GNA14: variants seen among roughly 807,000 people sequenced by gnomAD.
GNA14 encodes the protein G protein subunit alpha 14, also known as guanine nucleotide-binding protein subunit alpha-14.
A neutral mutation model predicts 42.0 loss-of-function variants in GNA14; 50 were observed. The observed-to-expected ratio is 1.19, with a 90% CI of 0.95 to 1.51. GNA14 has a LOEUF of 1.51. Ranked by LOEUF, GNA14 falls within the 40% of genes most tolerant of loss-of-function variation. The pLI is 0.00. For missense variants in GNA14, 473 were observed against 446.2 expected (o/e 1.06, Z -0.54); for synonymous variants, 173 against 163.1 (o/e 1.06, Z -0.46).
intron 3 of GNA14, among the ~76,000 whole-genome samples, chr9:77,433,017 C>T (rs941056880): frequency 7.9e-5 from 12 of 152,218 alleles, no homozygotes; most frequent in South Asian, 2.1e-4. Flanking sequence ...TGCATCTAAA[C>T]ATTCCTGTAC....
At position 77,446,124 on chromosome 9, in the gene GNA14, C is replaced by T. The variant is rs1316460940; in HGVS notation, c.310-11602G>A. On this transcript the variant is annotated intron_variant, in intron 2 of 6. Transcript: ENST00000341700. The stretch of plus-strand genomic sequence containing the variant: ...TGAGTGACCAGAGCGGCAGGGCTCA[C>T]GGGAGCTCTCAGACCAAAAGACCCC... Among the ~76,000 whole-genome samples the T allele has an allele frequency of 3.3e-5, 5 of 152,290 alleles. No homozygotes were observed. In the South Asian group the frequency reaches 1.0e-3, roughly 32 times the overall value.
chr9:77,563,611 TG>T (rs1366938112), intron 1 of GNA14, among the ~76,000 whole-genome samples: 1 of 152,180 alleles, frequency 6.6e-6, no homozygotes, highest in Non-Finnish European at 1.5e-5. Flanking sequence ...GCACTAACAC[TG>T]TAATTGCCAT....
At chr9:77,560,211 C>T (rs963083375) in intron 1 of GNA14, among the ~76,000 whole-genome samples, 7 of 151,076 alleles carry the variant, frequency 4.6e-5, no homozygotes, top group African/African-American at 1.2e-4. Flanking sequence ...AAGTTTTATA[C>T]GTTAAAGCAG....
At chr9:77,494,327 C>A (rs372953125) in intron 2 of GNA14, among the ~76,000 whole-genome samples, 1 of 152,050 alleles carries the variant, frequency 6.6e-6, no homozygotes, top group Admixed American at 6.5e-5. Context: ...ATTTTGTGGT[C>A]ATTATTAATC....
chr9:77,454,872 T>A (rs1280803509), intron 2 of GNA14, among the ~76,000 whole-genome samples: 2 of 152,218 alleles, frequency 1.3e-5, no homozygotes, highest in African/African-American at 4.8e-5. Flanking sequence ...AATGTTTAGT[T>A]TGGGAAATGC....
intron 1 of GNA14, among the ~76,000 whole-genome samples, chr9:77,609,779 A>G (rs1025654593): frequency 2.0e-5 from 3 of 152,188 alleles, no homozygotes; most frequent in Admixed American, 2.0e-4. Context: ...TGGCATGCTG[A>G]GCGCTTTGAA....
At chr9:77,426,957 C>A (rs1835462024) in intron 5 of GNA14, among the ~76,000 whole-genome samples, 1 of 152,094 alleles carries the variant, frequency 6.6e-6, no homozygotes, top group African/African-American at 2.4e-5. Flanking sequence ...GTTTGTTCTG[C>A]CACTCAGTAC....
At chr9:77,521,379 T>C (rs1300209263) in intron 2 of GNA14, among the ~76,000 whole-genome samples, 2 of 152,110 alleles carry the variant, frequency 1.3e-5, no homozygotes, top group Admixed American at 6.5e-5. Flanking sequence ...GATGAGGAAG[T>C]GGGACAGAAA....
chr9:77,462,056 C>T (rs1437964948), intron 2 of GNA14, among the ~76,000 whole-genome samples: 1 of 152,158 alleles, frequency 6.6e-6, no homozygotes, highest in Non-Finnish European at 1.5e-5. Flanking sequence ...AGGCTGAGAC[C>T]ACTTGTCCAG....
chr9:77,469,274 G>A lies in GNA14; in HGVS notation c.310-34752C>T, dbSNP rs1587780785. Reference sequence around the variant, plus strand: ...AGGAAAGCTGGGAGAGGAGGGTGGGGTGAAGAGAGAGAATAAATGAAGTAT... The same window carrying A: ...AGGAAAGCTGGGAGAGGAGGGTGGGATGAAGAGAGAGAATAAATGAAGTAT... On this transcript the variant is annotated intron_variant, in intron 2 of 6. Transcript: ENST00000341700. Among the ~76,000 whole-genome samples the A allele has an allele frequency of 5.3e-5, 8 of 151,796 alleles. 1 individual carries two copies. The highest frequency in any genetic ancestry group is 5.3e-4 in the Admixed American group (8 of 15,232).
At chr9:77,445,375 A>T (rs926995580) in intron 2 of GNA14, among the ~76,000 whole-genome samples, 11 of 152,018 alleles carry the variant, frequency 7.2e-5, no homozygotes, top group Admixed American at 1.3e-4. Context: ...AACACCCTCC[A>T]AACAAGGAAT....
At chr9:77,429,208 G>A (rs1042942175) in intron 4 of GNA14, among the ~76,000 whole-genome samples, 172 bp from the exon 5 acceptor site, 2 of 152,126 alleles carry the variant, frequency 1.3e-5, no homozygotes, top group Admixed American at 6.5e-5. Flanking sequence ...AAGCAATGAG[G>A]GACCACTGGA....
chr9:77,573,235 G>A (rs1823085983), intron 1 of GNA14, among the ~76,000 whole-genome samples: 1 of 152,068 alleles, frequency 6.6e-6, no homozygotes, highest in African/African-American at 2.4e-5. Flanking sequence ...GATCACCCGA[G>A]GTCAGGAGTT....
At chr9:77,448,917 T>C (rs1835865226) in intron 2 of GNA14, among the ~76,000 whole-genome samples, 1 of 152,208 alleles carries the variant, frequency 6.6e-6, no homozygotes, top group South Asian at 2.1e-4. Context: ...TCAGAAGTCT[T>C]AAACGGCAAT....
At position 77,513,272 on chromosome 9, in the gene GNA14, ATAGT is replaced by A. The variant is rs150347738; in HGVS notation, c.309+15793_309+15796del. ...CACCCATCAAGAAGCATACAGAACAATAGTTAGCAGCTCTGCCTGGGACGTCAGG... is the reference window on the plus strand; with the variant it reads ...CACCCATCAAGAAGCATACAGAACAATAGCAGCTCTGCCTGGGACGTCAGG... On this transcript the variant is annotated intron_variant, in intron 2 of 6. Coordinates refer to ENST00000341700, the MANE Select transcript of GNA14 (RefSeq NM_004297.4). Among the ~76,000 whole-genome samples, 11 of 152,346 alleles carry A rather than the reference ATAGT, an allele frequency of 7.2e-5. No individual in the cohort carries two copies. The East Asian group carries it at 2.1e-3, about 29-fold the overall frequency.
intron 1 of GNA14, among the ~76,000 whole-genome samples, chr9:77,604,007 C>T (rs1253157143): frequency 4.9e-5 from 7 of 142,702 alleles, no homozygotes; most frequent in East Asian, 2.1e-4. Flanking sequence ...TCTAGAGAGT[C>T]ACTATCACTC....
intron 1 of GNA14, among the ~76,000 whole-genome samples, chr9:77,568,111 C>T (rs1484057092): frequency 2.0e-5 from 3 of 151,994 alleles, no homozygotes; most frequent in African/African-American, 7.2e-5. Context: ...CCTGCAGCTC[C>T]CAGAGCAGGT....
Position 77,443,003 on chromosome 9 carries a change from T to C in GNA14, c.310-8481A>G, listed in dbSNP as rs1013487. On this transcript the variant is annotated intron_variant, in intron 2 of 6. Coordinates refer to ENST00000341700, the MANE Select transcript of GNA14 (RefSeq NM_004297.4). Reference sequence around the variant, plus strand: ...AATGACATAAAGATTTGGAAAAATATAGCAGCTCTAAAGTTTTATGTAGCT... The same window carrying C: ...AATGACATAAAGATTTGGAAAAATACAGCAGCTCTAAAGTTTTATGTAGCT... Among the ~76,000 whole-genome samples the C allele has an allele frequency of 2.0e-4, 31 of 152,268 alleles. No homozygotes were observed. In the East Asian group the frequency reaches 3.1e-3, roughly 15 times the overall value.
chr9:77,629,650 G>C (rs1824063638), intron 1 of GNA14, among the ~76,000 whole-genome samples: 1 of 152,194 alleles, frequency 6.6e-6, no homozygotes, highest in African/African-American at 2.4e-5. Flanking sequence ...AACATCGCAT[G>C]TTCTCACTCA....
Sources: allele counts gnomAD v4.1 joint callset (sites outside exome capture counted in the v4.1 genomes callset), GRCh38; gene constraint gnomAD v4.1.1; transcripts MANE v1.5; gene names NCBI Gene and HGNC (gene_info 2026-07-23, HGNC 2026-07-21).